Variants in SNX13 observed in about 807,000 individuals in gnomAD.
SNX13 encodes sorting nexin 13.
Under a neutral mutation model 133.6 loss-of-function variants are expected in SNX13, and 45 were observed. The ratio of observed to expected loss-of-function variants is 0.34; its 90% confidence interval spans 0.27 to 0.43. The LOEUF is 0.43. Among genes scored for constraint, SNX13 ranks in the 20% least tolerant of loss-of-function variants. SNX13 has a pLI of 1.00. For missense variants in SNX13, 1,032 were observed against 1,145.1 expected, an observed-to-expected ratio of 0.90 and a Z score of 1.43; for synonymous variants, 414 against 373.9, an observed-to-expected ratio of 1.11 and a Z score of -1.24.
chr7:17,830,299 G>A (rs1439542041), intron 15 of SNX13: 2 of 983,916 alleles, frequency 2.0e-6, no homozygotes, highest in Non-Finnish European at 2.4e-6. Context: ...AAAGGCATTC[G>A]TGTTCAGGAG....
intron 1 of SNX13, among the ~76,000 whole-genome samples, chr7:17,932,725 A>G (rs963880737): frequency 2.6e-5 from 4 of 152,208 alleles, no homozygotes; most frequent in African/African-American, 9.7e-5. Context: ...TGACTCTTCA[A>G]TTGCAAGAAA....
chr7:17,816,690 A>AC (rs1166981718), intron 18 of SNX13, among the ~76,000 whole-genome samples: 6 of 152,122 alleles, frequency 3.9e-5, no homozygotes, highest in African/African-American at 1.4e-4. Context: ...AACAACAACA[A>AC]AAACCCATCT....
chr7:17,875,171 T>C (rs1022376320), intron 7 of SNX13, among the ~76,000 whole-genome samples: 6 of 152,092 alleles, frequency 3.9e-5, no homozygotes, highest in Non-Finnish European at 8.8e-5. Flanking sequence ...TTTCGCCATG[T>C]TGCCTAGGCT....
At chr7:17,922,004 A>C (rs954696954) in intron 1 of SNX13, among the ~76,000 whole-genome samples, 1 of 152,222 alleles carries the variant, frequency 6.6e-6, no homozygotes, top group Non-Finnish European at 1.5e-5. Flanking sequence ...TTTAGACACT[A>C]CAAGACCACA....
rs1790431746 is a variant in SNX13 at position 17,845,649 on chromosome 7, T to G, written c.1111A>C (p.Thr371Pro). The G allele has an allele frequency of 1.9e-6, 3 of 1,604,058 alleles. No individual in the cohort carries two copies. In the African/African-American group the frequency reaches 4.0e-5, roughly 21 times the overall value. ...ACAAGAATGCTGTCCAGGGGGACTG[T>G]GCAAAGTTTCCCAAAGTTTGCTGCA... is the stretch of plus-strand genomic sequence containing the variant. ...KLAANFGKLCTVPLDSILVDN... is the reference protein window; with the variant it reads ...KLAANFGKLCPVPLDSILVDN... Residue 371 changes from threonine (T) to proline (P), a missense_variant, in exon 12 of 26, where the codon ACA becomes CCA. Physicochemically the swap from Thr to Pro is conservative, Grantham distance 38 (BLOSUM62 -1). Transcript: ENST00000428135.
At chr7:17,902,142 TA>T (rs1300255970) in intron 1 of SNX13, among the ~76,000 whole-genome samples, 1 of 151,698 alleles carries the variant, frequency 6.6e-6, no homozygotes, top group Non-Finnish European at 1.5e-5. Context: ...CAAAATCACC[TA>T]AACCAAAGTC....
chr7:17,834,144 G>A lies in SNX13; in HGVS notation c.1505C>T (p.Ser502Phe). Residue 502 changes from serine (S) to phenylalanine (F), a missense_variant, in exon 15 of 26, where the codon TCC becomes TTC. By Grantham distance (155) the Ser-to-Phe change is radical. Coordinates refer to ENST00000428135, the MANE Select transcript of SNX13 (RefSeq NM_015132.5). ...LMLRDERFYPSFRQNALYVRM... is the reference protein window; with the variant it reads ...LMLRDERFYPFFRQNALYVRM... ...CACATAAAGTGCATTCTGTCTGAAG[G>A]AAGGATAAAATCTTTCATCTCGTAG... The A allele has an allele frequency of 6.3e-6, 10 of 1,595,312 alleles. No individual in the cohort carries two copies. Among genetic ancestry groups the A allele is most frequent in the Non-Finnish European group, 8.6e-6 (10 of 1,168,364 alleles).
chr7:17,827,213 T>C (rs1788006864), intron 16 of SNX13, among the ~76,000 whole-genome samples: 1 of 152,048 alleles, frequency 6.6e-6, no homozygotes, highest in Non-Finnish European at 1.5e-5. Context: ...AGTAAGACTA[T>C]GGTATGTTCT....
intron 8 of SNX13, among the ~76,000 whole-genome samples, chr7:17,871,589 T>C (rs1020550113): frequency 2.0e-5 from 3 of 152,170 alleles, no homozygotes; most frequent in African/African-American, 7.2e-5. Context: ...TGTCTGAACA[T>C]CCCATCCTGC....
At chr7:17,887,581 A>T (rs1796149865) in intron 5 of SNX13, among the ~76,000 whole-genome samples, 1 of 152,252 alleles carries the variant, frequency 6.6e-6, no homozygotes, top group Middle Eastern at 3.2e-3. Flanking sequence ...GATATAAGTT[A>T]TCATCTCCAG....
intron 3 of SNX13, 111 bp downstream of exon 3, chr7:17,893,221 G>T: frequency 1.6e-6 from 1 of 607,954 alleles, no homozygotes; most frequent in Non-Finnish European, 2.8e-6. Flanking sequence ...AATTCCCAGT[G>T]AGCATTAGTA....
chr7:17,884,773 T>C (rs899185071), intron 5 of SNX13, among the ~76,000 whole-genome samples: 13 of 152,168 alleles, frequency 8.5e-5, no homozygotes, highest in African/African-American at 2.2e-4. Flanking sequence ...GAAAAGATGC[T>C]CGATATCACT....
At chr7:17,850,613 T>TAC (rs1791091742) in intron 10 of SNX13, among the ~76,000 whole-genome samples, 178 bp from the exon 11 acceptor site, 1 of 152,184 alleles carries the variant, frequency 6.6e-6, no homozygotes, top group South Asian at 2.1e-4. Context: ...CCATGCCAAT[T>TAC]ACCTCCACTT....
At chr7:17,824,468 C>T (rs149059000) in intron 17 of SNX13, among the ~76,000 whole-genome samples, 242 of 152,116 alleles carry the variant, frequency 1.6e-3, no homozygotes, top group African/African-American at 5.5e-3. Context: ...ATATGTTTAC[C>T]ATGCATAATT....
At chr7:17,903,583 C>T (rs1798081320) in intron 1 of SNX13, among the ~76,000 whole-genome samples, 2 of 152,122 alleles carry the variant, frequency 1.3e-5, no homozygotes, top group Non-Finnish European at 2.9e-5. Context: ...AATGAGTTCA[C>T]AGTCCAAGGT....
intron 24 of SNX13, among the ~76,000 whole-genome samples, chr7:17,797,912 A>G (rs1186848534): frequency 1.3e-5 from 2 of 151,836 alleles, no homozygotes; most frequent in Non-Finnish European, 2.9e-5. Context: ...CTAATCCTCA[A>G]TTTCCTTATA....
chr7:17,808,848 G>A (rs1785635702), intron 20 of SNX13, among the ~76,000 whole-genome samples: 1 of 152,054 alleles, frequency 6.6e-6, no homozygotes. Context: ...TTCATATCCA[G>A]CCCAACTAAG....
intron 1 of SNX13, 71 bp downstream of exon 1, chr7:17,940,213 T>G: frequency 1.9e-6 from 3 of 1,546,802 alleles, no homozygotes; most frequent in Non-Finnish European, 1.8e-6. Flanking sequence ...GTACAGATGA[T>G]GTTCTCTGAC....
chr7:17,933,718 C>T lies in SNX13; in HGVS notation c.12+6566G>A, dbSNP rs532359334. Among the ~76,000 whole-genome samples the T allele has an allele frequency of 5.3e-5, 8 of 151,892 alleles. No individual in the cohort carries two copies. In the East Asian group the frequency reaches 9.7e-4, roughly 18 times the overall value. On this transcript the variant is annotated intron_variant, in intron 1 of 25. Coordinates refer to ENST00000428135, the MANE Select transcript of SNX13 (RefSeq NM_015132.5). The stretch of plus-strand genomic sequence containing the variant: ...CCTCCTAATTTCCCCTCAGGACCCA[C>T]CCACCTATCCACCAAGAAAATAGTG...
Sources: gnomAD v4.1 joint callset for allele counts (sites outside exome capture counted in the v4.1 genomes callset) on GRCh38, gnomAD v4.1.1 for gene constraint, MANE v1.5 for transcripts, NCBI Gene and HGNC (gene_info 2026-07-23, HGNC 2026-07-21) for gene names.